The following USP44 variants were observed in gnomAD, a reference collection of about 807,000 sequenced individuals.
The protein encoded by USP44 is ubiquitin specific peptidase 44.
USP44 carries 61 observed loss-of-function variants against 69.0 expected under a neutral mutation model. That is an observed-to-expected ratio of 0.88 (90% CI 0.72 to 1.09). USP44 has a LOEUF of 1.09. Ranked by LOEUF, USP44 falls within the 50% of genes least tolerant of loss-of-function variation. The probability of loss-of-function intolerance (pLI) is 0.00; values close to 1 mark genes in which losing one functional copy is unlikely to be tolerated. For synonymous variants in USP44, 297 were observed against 295.4 expected (o/e 1.01, Z -0.06); for missense variants, 753 against 849.9 (o/e 0.89, Z 1.42).
At chr12:95,528,715 A>G (rs2076928294) in intron 3 of USP44, 92 bp downstream of exon 3, 14 of 1,351,530 alleles carry the variant, frequency 1.0e-5, no homozygotes, top group East Asian at 2.4e-5. Context: ...GTTCATTTTC[A>G]TAACTGCTAA....
At chr12:95,549,406 AT>A (rs1474555943) in intron 1 of USP44, among the ~76,000 whole-genome samples, 2 of 152,178 alleles carry the variant, frequency 1.3e-5, no homozygotes, top group Non-Finnish European at 2.9e-5. Context: ...GAAATTGCCC[AT>A]TTAAATAATG....
intron 1 of USP44, among the ~76,000 whole-genome samples, chr12:95,544,373 C>A (rs1342946610): frequency 6.6e-6 from 1 of 151,988 alleles, no homozygotes; most frequent in African/African-American, 2.4e-5. Flanking sequence ...TTATCTTTGA[C>A]ATAATAAACT....
intron 1 of USP44, among the ~76,000 whole-genome samples, chr12:95,539,524 C>T (rs2077321721): frequency 6.6e-6 from 1 of 152,078 alleles, no homozygotes; most frequent in Non-Finnish European, 1.5e-5. Flanking sequence ...CCGCGCCCGG[C>T]CCAATGAAAT....
intron 3 of USP44, among the ~76,000 whole-genome samples, chr12:95,526,374 C>A (rs893234978): frequency 1.2e-4 from 19 of 152,206 alleles, no homozygotes; most frequent in African/African-American, 4.3e-4. Context: ...AGATCGAGAC[C>A]ATCCTGGCTA....
Position 95,533,000 on chromosome 12 carries a change from G to GT in USP44, c.1256dup (p.Tyr419Ter). 3 of 1,614,152 alleles carry GT rather than the reference G, an allele frequency of 1.9e-6. No homozygotes were observed. Among genetic ancestry groups the GT allele is most frequent in the Non-Finnish European group, 2.5e-6 (3 of 1,180,032 alleles). The change falls in exon 2 of 6, where the codon TAC (tyrosine) becomes TAAC (stop). Residue 419 changes from tyrosine (Y) to a stop codon, truncating the protein, a stop_gained and frameshift_variant. Transcript: ENST00000258499. LOFTEE classifies it high-confidence loss of function. ...GAAATTCCTGAGCGTCTTGTTGGGCGTAACCACGAAAGGCAGGAATGAGTC... is the reference window on the plus strand; with the variant it reads ...GAAATTCCTGAGCGTCTTGTTGGGCGTTAACCACGAAAGGCAGGAATGAGTC... ...VWRLIPAFRG[Y>*]AQQDAQEFLC...
intron 1 of USP44, among the ~76,000 whole-genome samples, chr12:95,540,129 A>T (rs914615515): frequency 1.3e-4 from 20 of 152,148 alleles, no homozygotes; most frequent in Non-Finnish European, 2.8e-4. Context: ...AGGTTTGATC[A>T]TCAGTTCTAG....
rs975172484 is a variant in USP44, at chr12:95,533,300, T to C, written c.957A>G (p.Arg319=). The stretch of plus-strand genomic sequence containing the variant: ...CTGTGACTGGTGGATGCTTACAAGA[T>C]CTTGTCTTCTCGCTAGCAGTCATAG... ...WLAMTASEKT[R]SCKHPPVTDT... is the part of the protein sequence containing the mutation. Residue 319 remains arginine (R), a synonymous_variant, in exon 2 of 6, where the codon AGA becomes AGG. Coordinates refer to ENST00000258499, the MANE Select transcript of USP44 (RefSeq NM_032147.5). 6.2e-6 allele frequency: 10 copies of C among 1,614,018 alleles called. No individual in the cohort carries two copies. Among genetic ancestry groups the C allele is most frequent in the Non-Finnish European group, 8.5e-6 (10 of 1,180,040 alleles).
At chr12:95,521,671 G>A (rs879363565) in intron 4 of USP44, among the ~76,000 whole-genome samples, 3 of 152,060 alleles carry the variant, frequency 2.0e-5, no homozygotes, top group Non-Finnish European at 4.4e-5. Context: ...TTTAGTAGTA[G>A]AGACAGGACT....
chr12:95,539,506 A>G (rs886779028), intron 1 of USP44, among the ~76,000 whole-genome samples: 1 of 152,138 alleles, frequency 6.6e-6, no homozygotes, highest in Non-Finnish European at 1.5e-5. Context: ...GATTATAGGC[A>G]TGAGTCACCG....
At chr12:95,522,832 G>A (rs888757804) in intron 4 of USP44, among the ~76,000 whole-genome samples, 2 of 150,168 alleles carry the variant, frequency 1.3e-5, no homozygotes, top group Non-Finnish European at 3.0e-5. Flanking sequence ...GAGACAACTA[G>A]TGGCTGGCAA....
At chr12:95,527,344 C>A (rs2076874518) in intron 3 of USP44, among the ~76,000 whole-genome samples, 1 of 151,938 alleles carries the variant, frequency 6.6e-6, no homozygotes, top group Non-Finnish European at 1.5e-5. Context: ...ATCTGCCCAC[C>A]TCAGCCTCCC....
At chr12:95,526,642 C>T (rs1441868242) in intron 3 of USP44, among the ~76,000 whole-genome samples, 2 of 152,052 alleles carry the variant, frequency 1.3e-5, no homozygotes, top group Non-Finnish European at 2.9e-5. Context: ...AGCACTTATA[C>T]AAAAGTGTTA....
At chr12:95,534,885 T>A (rs2077150673) in intron 1 of USP44, among the ~76,000 whole-genome samples, 1 of 152,148 alleles carries the variant, frequency 6.6e-6, no homozygotes. Flanking sequence ...TTCGTCATGT[T>A]GCCCAGGCTG....
In USP44 at chr12:95,537,849, C is replaced by T. The variant is rs561440524; in HGVS notation, c.-70-3523G>A. Among the ~76,000 whole-genome samples, 39 of 152,224 alleles carry T rather than the reference C, an allele frequency of 2.6e-4. No individual in the cohort carries two copies. The South Asian group carries it at 4.3e-3, about 17-fold the overall frequency. Reference sequence around the variant, plus strand: ...TATACTTTCAAAATTGTAAAAATAACATGTTTTAAATAAAAACAGCTCAGA... The same window carrying T: ...TATACTTTCAAAATTGTAAAAATAATATGTTTTAAATAAAAACAGCTCAGA... On this transcript the variant is annotated intron_variant, in intron 1 of 5. Coordinates refer to ENST00000258499, the MANE Select transcript of USP44 (RefSeq NM_032147.5).
rs774695069 is a variant in USP44, at chr12:95,517,793, A to G, written c.*361T>C. 3.4e-5 allele frequency: 6 copies of G among 174,210 alleles called. No homozygotes were observed. Among genetic ancestry groups the G allele is most frequent in the East Asian group, 1.6e-4 (1 of 6,414 alleles). The allele number at this position is 174,210 out of a possible 1,614,324, so 10.8% of individuals were successfully genotyped here. On this transcript the variant is annotated 3_prime_UTR_variant, in exon 6 of 6. Coordinates refer to ENST00000258499, the MANE Select transcript of USP44 (RefSeq NM_032147.5). ...CAAAGTAGAGTCTAATTTTCCATCT[A>G]TTAAGAATTTGTATAGAAAATACCT...
chr12:95,524,442 G>A (rs1035234057), intron 4 of USP44: 18 of 276,988 alleles, frequency 6.5e-5, no homozygotes, highest in African/African-American at 9.1e-5. Context: ...GACCAGCCTG[G>A]GCAACATGGT....
intron 1 of USP44, among the ~76,000 whole-genome samples, chr12:95,549,151 T>C (rs2077675871): frequency 1.3e-5 from 2 of 152,238 alleles, no homozygotes; most frequent in South Asian, 4.1e-4. Context: ...TCCTGGAATT[T>C]CTGCGATTTA....
Position 95,518,270 on chromosome 12 carries a change from A to AAAAC in USP44, c.2019_2022dup (p.Tyr675ValfsTer8). On this transcript the variant is annotated frameshift_variant, in exon 6 of 6. Coordinates refer to ENST00000258499, the MANE Select transcript of USP44 (RefSeq NM_032147.5). LOFTEE classifies it high-confidence loss of function. ...CCATTCTCAGTAACTCGTTGGGTAT[A>AAAAC]AAACAAGATATAAGCTTGAGCCTTG... The AAAAC allele has an allele frequency of 6.2e-7, 1 of 1,614,218 alleles. No individual in the cohort carries two copies. The highest frequency in any genetic ancestry group is 8.5e-7 in the Non-Finnish European group (1 of 1,180,042).
intron 1 of USP44, among the ~76,000 whole-genome samples, chr12:95,537,469 T>C (rs1167171522): frequency 2.0e-5 from 3 of 151,982 alleles, no homozygotes; most frequent in Admixed American, 6.6e-5. Context: ...CAGGCACACG[T>C]CACCATGTCC....
Sources: allele counts gnomAD v4.1 joint callset (sites outside exome capture counted in the v4.1 genomes callset), GRCh38; gene constraint gnomAD v4.1.1; transcripts MANE v1.5; gene names NCBI Gene and HGNC (gene_info 2026-07-23, HGNC 2026-07-21).